The following GTF2F2 variants were observed in gnomAD, a reference collection of about 807,000 sequenced individuals.
GTF2F2 encodes general transcription factor IIF subunit 2.
GTF2F2 carries 23 observed loss-of-function variants against 42.2 expected under a neutral mutation model. That is an observed-to-expected ratio of 0.55 (90% CI 0.39 to 0.77). GTF2F2 has a LOEUF of 0.77. GTF2F2 is among the 30% of genes least tolerant of loss of function. The pLI, the probability that GTF2F2 is intolerant of heterozygous loss-of-function variation, is 0.00. For missense variants in GTF2F2, 261 were observed against 287.2 expected, an observed-to-expected ratio of 0.91 and a Z score of 0.66; for synonymous variants, 105 against 100.8, an observed-to-expected ratio of 1.04 and a Z score of -0.25.
chr13:45,212,315 T>C (rs919595544), intron 5 of GTF2F2, among the ~76,000 whole-genome samples: 1 of 152,222 alleles, frequency 6.6e-6, no homozygotes, highest in Non-Finnish European at 1.5e-5. Flanking sequence ...CTCTTTTACA[T>C]AGGCATTATA....
intron 1 of GTF2F2, among the ~76,000 whole-genome samples, chr13:45,135,531 T>A (rs964629284): frequency 6.6e-6 from 1 of 151,960 alleles, no homozygotes; most frequent in African/African-American, 2.4e-5. Flanking sequence ...GTGCTGGGAT[T>A]ACAGGCGTGA....
intron 5 of GTF2F2, among the ~76,000 whole-genome samples, chr13:45,232,829 A>G (rs1212386317): frequency 3.9e-5 from 6 of 152,196 alleles, no homozygotes; most frequent in Admixed American, 3.9e-4. Flanking sequence ...TATCTCCTTC[A>G]GATTTCACAT....
At position 45,283,701 on chromosome 13, in the gene GTF2F2, C is replaced by G; in HGVS notation, c.*140C>G. On this transcript the variant is annotated 3_prime_UTR_variant, in exon 8 of 8. Coordinates refer to ENST00000340473, the MANE Select transcript of GTF2F2 (RefSeq NM_004128.3). The stretch of plus-strand genomic sequence containing the variant: ...GATTTCTCTCGGTAAATTTTTTAAA[C>G]CTGTAATTCTTGTAAAGTTTCTTAA... The G allele has an allele frequency of 3.7e-6, 2 of 545,534 alleles. No individual in the cohort carries two copies. The highest frequency in any genetic ancestry group is 5.9e-5 in the South Asian group (1 of 16,960). 33.8% of individuals were successfully genotyped at this position (545,534 alleles called of 1,614,324 possible).
intron 1 of GTF2F2, among the ~76,000 whole-genome samples, chr13:45,127,122 T>C (rs971767995): frequency 6.6e-5 from 10 of 152,202 alleles, no homozygotes; most frequent in Admixed American, 4.6e-4. Flanking sequence ...TTCTGTAAGT[T>C]CGTGGTGTAG....
intron 4 of GTF2F2, among the ~76,000 whole-genome samples, chr13:45,158,020 C>G (rs1870850122): frequency 6.6e-6 from 1 of 152,162 alleles, no homozygotes; most frequent in Admixed American, 6.5e-5. Flanking sequence ...TAATTCTTAG[C>G]CTCCTCTTAT....
At chr13:45,196,160 A>C (rs1220432729) in intron 4 of GTF2F2, among the ~76,000 whole-genome samples, 1 of 152,222 alleles carries the variant, frequency 6.6e-6, no homozygotes, top group African/African-American at 2.4e-5. Flanking sequence ...TGTATTATTG[A>C]GATCAAAAGT....
intron 4 of GTF2F2, among the ~76,000 whole-genome samples, chr13:45,177,833 T>C (rs1871958904): frequency 6.6e-6 from 1 of 152,246 alleles, no homozygotes; most frequent in Non-Finnish European, 1.5e-5. Flanking sequence ...GTCTTGCTTT[T>C]CTGTGGAGTA....
rs1055800515 is a variant in GTF2F2 at position 45,120,526 on chromosome 13, C to G, written c.-130C>G. 1.2e-5 allele frequency: 8 copies of G among 666,544 alleles called. No individual in the cohort carries two copies. Among genetic ancestry groups the G allele is most frequent in the Non-Finnish European group, 2.1e-5 (8 of 373,816 alleles). 41.3% of individuals were successfully genotyped at this position (666,544 alleles called of 1,614,324 possible). A position where few individuals can be genotyped will look rare whatever the true frequency, so the allele number is the denominator to read the frequency against. On this transcript the variant is annotated 5_prime_UTR_variant, in exon 1 of 8. Coordinates refer to ENST00000340473, the MANE Select transcript of GTF2F2 (RefSeq NM_004128.3). The stretch of plus-strand genomic sequence containing the variant: ...CCTCTTTTCCTCGGTTCCCAGTGTT[C>G]TGGCAGGTAAGGAACGCCGGCTCTT...
At chr13:45,124,113 G>A (rs1325855619) in intron 1 of GTF2F2, 2 of 738,444 alleles carry the variant, frequency 2.7e-6, no homozygotes, top group African/African-American at 3.4e-5. Context: ...TGGTCGTTGA[G>A]GGCAATGCCA....
intron 3 of GTF2F2, among the ~76,000 whole-genome samples, chr13:45,150,589 A>C (rs1870437771): frequency 6.6e-6 from 1 of 151,864 alleles, no homozygotes; most frequent in Non-Finnish European, 1.5e-5. Context: ...GCTAGATCTT[A>C]AAGATATAAA....
intron 4 of GTF2F2, among the ~76,000 whole-genome samples, chr13:45,196,447 T>G (rs1228807845): frequency 6.6e-6 from 1 of 152,202 alleles, no homozygotes; most frequent in East Asian, 1.9e-4. Context: ...CAATACAACT[T>G]TTTAAGAAAT....
At chr13:45,153,749 G>A (rs982534441) in intron 4 of GTF2F2, among the ~76,000 whole-genome samples, 2 of 151,952 alleles carry the variant, frequency 1.3e-5, no homozygotes, top group South Asian at 4.2e-4. Flanking sequence ...AGGCCAAGGT[G>A]GGCAAATCAC....
chr13:45,214,129 A>T (rs971449682), intron 5 of GTF2F2, among the ~76,000 whole-genome samples: 1 of 152,220 alleles, frequency 6.6e-6, no homozygotes, highest in African/African-American at 2.4e-5. Context: ...AGTGTATTTC[A>T]CATTTATAAA....
intron 2 of GTF2F2, among the ~76,000 whole-genome samples, chr13:45,148,718 C>T (rs568992503): frequency 3.3e-5 from 5 of 152,132 alleles, no homozygotes; most frequent in Non-Finnish European, 5.9e-5. Flanking sequence ...TAACTCAGTA[C>T]TTTGCATGTA....
At chr13:45,245,666 AATATATATAT>A (rs372488927) in intron 5 of GTF2F2, among the ~76,000 whole-genome samples, 188 of 110,850 alleles carry the variant, frequency 1.7e-3, no homozygotes, top group African/African-American at 6.5e-3. Context: ...CCATGGTGTG[AATATATATAT>A]ATATATATAT....
In GTF2F2 at chr13:45,216,674, C is replaced by T. The variant is rs141215949; in HGVS notation, c.386+9169C>T. The stretch of plus-strand genomic sequence containing the variant: ...CTGGGATTATAAGCATGCGCCACCA[C>T]GCCTGGCTATTTTTTTGCATTTTTA... On this transcript the variant is annotated intron_variant, in intron 5 of 7. Coordinates refer to ENST00000340473, the MANE Select transcript of GTF2F2 (RefSeq NM_004128.3). Among the ~76,000 whole-genome samples the T allele has an allele frequency of 3.4e-3, 514 of 152,082 alleles. 3 individuals carry two copies. The highest frequency in any genetic ancestry group is 3.8e-3 in the Non-Finnish European group (259 of 67,978).
chr13:45,139,937 A>T (rs1869839444), intron 2 of GTF2F2, among the ~76,000 whole-genome samples: 1 of 152,186 alleles, frequency 6.6e-6, no homozygotes, highest in African/African-American at 2.4e-5. Context: ...ATGGCACAGT[A>T]TTTACGTATA....
chr13:45,158,537 T>C (rs1295995020), intron 4 of GTF2F2, among the ~76,000 whole-genome samples: 2 of 152,232 alleles, frequency 1.3e-5, no homozygotes, highest in Non-Finnish European at 2.9e-5. Flanking sequence ...GAAAATCTCT[T>C]ACCTTTACCA....
intron 4 of GTF2F2, among the ~76,000 whole-genome samples, chr13:45,154,388 G>A (rs540679172): frequency 4.6e-5 from 7 of 152,188 alleles, no homozygotes; most frequent in East Asian, 1.9e-4. Flanking sequence ...TCGTGTTCAC[G>A]TTTCTGGCTA....
Sources: allele counts gnomAD v4.1 joint callset (sites outside exome capture counted in the v4.1 genomes callset), GRCh38; gene constraint gnomAD v4.1.1; transcripts MANE v1.5; gene names NCBI Gene and HGNC (gene_info 2026-07-23, HGNC 2026-07-21).